KCNMA1: variants seen among roughly 807,000 people sequenced by gnomAD.
KCNMA1 encodes the protein Calcium-activated potassium channel subunit alpha-1.
KCNMA1 carries 29 observed loss-of-function variants against 140.0 expected under a neutral mutation model. That is an observed-to-expected ratio of 0.21 (90% CI 0.15 to 0.28). The LOEUF is 0.28. KCNMA1 is among the 10% of genes least tolerant of loss of function. The probability of loss-of-function intolerance (pLI) is 1.00; values close to 1 mark genes in which losing one functional copy is unlikely to be tolerated. For synonymous variants in KCNMA1, 612 were observed against 611.9 expected, an observed-to-expected ratio of 1.00 and a Z score of 0.00; for missense variants, 880 against 1,602.2, an observed-to-expected ratio of 0.55 and a Z score of 7.70.
intron 1 of KCNMA1, among the ~76,000 whole-genome samples, chr10:77,628,006 G>A (rs537434981): frequency 7.9e-5 from 12 of 151,942 alleles, no homozygotes; most frequent in Non-Finnish European, 1.8e-4. Flanking sequence ...GGCCACTCTC[G>A]ATCCCACCCC....
intron 13 of KCNMA1, among the ~76,000 whole-genome samples, chr10:77,073,784 C>T (rs961579562): frequency 3.9e-5 from 6 of 152,082 alleles, no homozygotes; most frequent in Non-Finnish European, 8.8e-5. Flanking sequence ...GAGAATTTGG[C>T]ATTTCTCACA....
chr10:77,332,997 T>A (rs142218957), intron 2 of KCNMA1, among the ~76,000 whole-genome samples: 31 of 152,326 alleles, frequency 2.0e-4, no homozygotes, highest in Non-Finnish European at 4.0e-4. Context: ...CAAGGGGGAC[T>A]CTTACATCCA....
At chr10:77,005,540 T>C (rs1159128419) in intron 18 of KCNMA1, among the ~76,000 whole-genome samples, 1 of 152,116 alleles carries the variant, frequency 6.6e-6, no homozygotes, top group Non-Finnish European at 1.5e-5. Flanking sequence ...AACTTAACTC[T>C]AGGAAAGCAG....
At chr10:77,546,606 C>T (rs1332006383) in intron 1 of KCNMA1, among the ~76,000 whole-genome samples, 2 of 152,238 alleles carry the variant, frequency 1.3e-5, no homozygotes, top group African/African-American at 4.8e-5. Context: ...TGTGTCCCTT[C>T]CCCGGTGCTG....
chr10:76,881,867 T>C (rs1217419833), downstream of KCNMA1, among the ~76,000 whole-genome samples: 1 of 152,090 alleles, frequency 6.6e-6, no homozygotes, highest in East Asian at 1.9e-4. Context: ...AGAGGTAACC[T>C]GGTGTTATTT....
intron 3 of KCNMA1, among the ~76,000 whole-genome samples, chr10:77,194,061 G>A (rs1290245992): frequency 1.3e-5 from 2 of 152,138 alleles, no homozygotes; most frequent in African/African-American, 2.4e-5. Context: ...CCATTGGGGA[G>A]CAACAGCCTG....
In KCNMA1 at chr10:76,949,082, G is replaced by T. The variant is rs55736648; in HGVS notation, c.2709+60C>A. 2.2e-4 allele frequency: 281 copies of T among 1,282,200 alleles called. 1 individual carries two copies. The East Asian group carries it at 6.4e-3, about 29-fold the overall frequency. The allele number at this position is 1,282,200 out of a possible 1,614,324, so 79.4% of individuals were successfully genotyped here. ...AAAGCTACAACTATTATATCCATCC[G>T]GGATTTTCTTTTGTGAATGAAAAGA... On this transcript the variant is annotated intron_variant, in intron 22 of 27. Coordinates refer to ENST00000286628, the MANE Select transcript of KCNMA1 (RefSeq NM_001161352.2).
chr10:76,885,296 T>C lies in KCNMA1; in HGVS notation c.*1970A>G, dbSNP rs200314772. ...AAGAGATAGTTATACATAATATAAA[T>C]CAATATATAGAGGGACAAAAATAAT... On this transcript the variant is annotated 3_prime_UTR_variant, in exon 28 of 28. Transcript: ENST00000286628. The C allele has an allele frequency of 1.0e-5, 8 of 769,582 alleles. No homozygotes were observed. The highest frequency in any genetic ancestry group is 9.4e-6 in the Non-Finnish European group (6 of 635,102). The allele number at this position is 769,582 out of a possible 1,614,324, so 47.7% of individuals were successfully genotyped here.
intron 29 of KCNMA1, among the ~76,000 whole-genome samples, chr10:76,879,611 T>C (rs1306246403): frequency 6.6e-6 from 1 of 152,020 alleles, no homozygotes; most frequent in Non-Finnish European, 1.5e-5. Flanking sequence ...ATTCCATAGA[T>C]CTTTTAAAGT....
chr10:77,523,213 C>T (rs112487178), intron 1 of KCNMA1, among the ~76,000 whole-genome samples: 62 of 150,288 alleles, frequency 4.1e-4, no homozygotes, highest in African/African-American at 1.2e-3. Context: ...GCCCCCCCCC[C>T]TTGCAATCAC....
chr10:76,888,114 C>T lies in KCNMA1; in HGVS notation c.3462-599G>A, dbSNP rs557235945. 19 of 162,668 alleles carry T rather than the reference C, an allele frequency of 1.2e-4. No homozygotes were observed. In the East Asian group the frequency reaches 1.4e-3, roughly 12 times the overall value. 10.1% of individuals were successfully genotyped at this position (162,668 alleles called of 1,614,324 possible). A position where few individuals can be genotyped will look rare whatever the true frequency, so the allele number is the denominator to read the frequency against. On this transcript the variant is annotated intron_variant, in intron 27 of 27. Coordinates refer to ENST00000286628, the MANE Select transcript of KCNMA1 (RefSeq NM_001161352.2). Reference sequence around the variant, plus strand: ...ACAGCAGATGTGACTAAGAAAATCACGCTGTTTCACTTAGAGCAGTGGTCA... The same window carrying T: ...ACAGCAGATGTGACTAAGAAAATCATGCTGTTTCACTTAGAGCAGTGGTCA...
intron 1 of KCNMA1, among the ~76,000 whole-genome samples, chr10:77,526,345 C>T (rs1265915972): frequency 6.6e-6 from 1 of 152,132 alleles, no homozygotes; most frequent in African/African-American, 2.4e-5. Context: ...ATGTAGTGGA[C>T]CCCCAATTTG....
At chr10:77,159,754 C>T (rs61867018) in intron 5 of KCNMA1, among the ~76,000 whole-genome samples, 22,234 of 152,120 alleles carry the variant, frequency 0.15, 1,998 homozygotes, top group African/African-American at 0.25. Context: ...CCCTGGGACA[C>T]GTCAGGCTGT....
intron 1 of KCNMA1, among the ~76,000 whole-genome samples, chr10:77,412,656 A>C (rs955118106): frequency 1.3e-4 from 20 of 151,368 alleles, no homozygotes; most frequent in Admixed American, 2.0e-4. Flanking sequence ...GAGGTGCCCC[A>C]GGGGGGCTGG....
intron 1 of KCNMA1, among the ~76,000 whole-genome samples, chr10:77,553,917 A>G (rs2063481119): frequency 6.6e-6 from 1 of 152,116 alleles, no homozygotes; most frequent in Non-Finnish European, 1.5e-5. Context: ...TCAATAACAC[A>G]GATTTGATAT....
intron 23 of KCNMA1, among the ~76,000 whole-genome samples, chr10:76,916,209 G>A (rs750118514): frequency 6.6e-6 from 1 of 152,126 alleles, no homozygotes; most frequent in Non-Finnish European, 1.5e-5. Context: ...ACTTCCCAGT[G>A]TGCCAAACAC....
intron 3 of KCNMA1, among the ~76,000 whole-genome samples, chr10:77,216,125 A>G (rs2047702378): frequency 6.6e-6 from 1 of 152,176 alleles, no homozygotes; most frequent in South Asian, 2.1e-4. Context: ...AAATGTCTAG[A>G]ACAGGCAACT....
chr10:77,137,321 G>C (rs898030145), intron 5 of KCNMA1, among the ~76,000 whole-genome samples: 2 of 152,138 alleles, frequency 1.3e-5, no homozygotes, highest in Non-Finnish European at 2.9e-5. Context: ...AATCCAAAAA[G>C]CTGAAAGGTT....
chr10:77,052,249 C>T (rs1257759541), intron 14 of KCNMA1, among the ~76,000 whole-genome samples: 1 of 152,144 alleles, frequency 6.6e-6, no homozygotes, highest in East Asian at 1.9e-4. Flanking sequence ...CTCTGGAGGT[C>T]CTCTCTGCCA....
Sources: gnomAD v4.1 joint callset for allele counts (sites outside exome capture counted in the v4.1 genomes callset) on GRCh38, gnomAD v4.1.1 for gene constraint, MANE v1.5 for transcripts, NCBI Gene and HGNC (gene_info 2026-07-23, HGNC 2026-07-21) for gene names.